Variants in SLC25A21 observed in about 807,000 individuals in gnomAD.
The protein encoded by SLC25A21 is mitochondrial 2-oxodicarboxylate carrier.
Under a neutral mutation model 43.8 loss-of-function variants are expected in SLC25A21, and 47 were observed. The ratio of observed to expected loss-of-function variants is 1.07; its 90% CI spans 0.85 to 1.37. The LOEUF (loss-of-function observed/expected upper bound fraction) is 1.37, where lower values mean the gene tolerates loss of function less well. SLC25A21 is among the 40% of genes most tolerant of loss of function. SLC25A21 has a pLI of 0.00. For missense variants in SLC25A21, 352 were observed against 350.2 expected, an observed-to-expected ratio of 1.00 and a Z score of -0.04; for synonymous variants, 131 against 121.3, an observed-to-expected ratio of 1.08 and a Z score of -0.52.
intron 3 of SLC25A21, among the ~76,000 whole-genome samples, chr14:36,735,203 A>T (rs1341430434): frequency 6.6e-6 from 1 of 152,188 alleles, no homozygotes; most frequent in East Asian, 1.9e-4. Context: ...ATGTAAAATC[A>T]CAGGGCATGA....
intron 1 of SLC25A21, among the ~76,000 whole-genome samples, chr14:37,139,289 T>C (rs1963533211): frequency 6.6e-6 from 1 of 152,094 alleles, no homozygotes; most frequent in African/African-American, 2.4e-5. Flanking sequence ...ACAGGACAAA[T>C]TCTGTCTTGA....
At chr14:36,851,821 T>C (rs1300509283) in intron 2 of SLC25A21, among the ~76,000 whole-genome samples, 2 of 152,142 alleles carry the variant, frequency 1.3e-5, no homozygotes, top group Admixed American at 6.5e-5. Context: ...CTATGAAAGG[T>C]TGCTTGATAC....
At chr14:37,063,395 G>C (rs1210630841) in intron 1 of SLC25A21, among the ~76,000 whole-genome samples, 4 of 152,092 alleles carry the variant, frequency 2.6e-5, no homozygotes, top group Non-Finnish European at 5.9e-5. Flanking sequence ...AGCTATTCGG[G>C]AGGCTGAGGC....
At chr14:37,145,476 C>CACACAGAGAG (rs780734735) in intron 1 of SLC25A21, among the ~76,000 whole-genome samples, 221 of 143,662 alleles carry the variant, frequency 1.5e-3, no homozygotes, top group South Asian at 2.5e-3. Context: ...CACACACACA[C>CACACAGAGAG]AGAGAGATGA....
intron 3 of SLC25A21, among the ~76,000 whole-genome samples, chr14:36,803,924 A>C (rs1175804823): frequency 3.3e-5 from 5 of 152,230 alleles, no homozygotes; most frequent in African/African-American, 1.2e-4. Flanking sequence ...AAGTTCACTC[A>C]GTGAGTCTTA....
intron 3 of SLC25A21, among the ~76,000 whole-genome samples, chr14:36,745,478 T>C (rs1885457056): frequency 6.6e-6 from 1 of 152,138 alleles, no homozygotes. Context: ...AAAGCGTTCC[T>C]ATTTCTCCAC....
intron 3 of SLC25A21, among the ~76,000 whole-genome samples, chr14:36,810,037 C>G (rs1269469884): frequency 6.6e-6 from 1 of 151,964 alleles, no homozygotes; most frequent in Non-Finnish European, 1.5e-5. Flanking sequence ...TCGTTTAACC[C>G]AGGGCTATGA....
At chr14:37,004,020 A>G (rs545231129) in intron 1 of SLC25A21, among the ~76,000 whole-genome samples, 2 of 152,170 alleles carry the variant, frequency 1.3e-5, no homozygotes, top group South Asian at 4.2e-4. Context: ...AACTCACCCG[A>G]TTTGAACTTT....
At position 36,725,667 on chromosome 14, in the gene SLC25A21, A is replaced by G; in HGVS notation, c.341T>C (p.Ile114Thr). The part of the protein sequence containing the change: ...VSLSPALTFA[I>T]AGLGSGLTEA... ...TGTTAGTCCAGATCCCAATCCAGCA[A>G]TGGCGAATGTCTAGAAAAATTAAAT... Residue 114 changes from isoleucine to threonine, a missense_variant, in exon 6 of 10, where the codon ATT becomes ACT. Coordinates refer to ENST00000331299, the MANE Select transcript of SLC25A21 (RefSeq NM_030631.4). 1 of 1,595,818 alleles carries G rather than the reference A, an allele frequency of 6.3e-7. No individual in the cohort carries two copies. The highest frequency in any genetic ancestry group is 8.5e-7 in the Non-Finnish European group (1 of 1,171,306).
intron 1 of SLC25A21, among the ~76,000 whole-genome samples, chr14:36,911,281 A>C (rs1444961006): frequency 1.3e-5 from 2 of 152,178 alleles, no homozygotes; most frequent in Non-Finnish European, 2.9e-5. Flanking sequence ...GGCAACAGTA[A>C]TCACAAAAGC....
intron 1 of SLC25A21, among the ~76,000 whole-genome samples, chr14:36,916,951 C>T (rs1891848339): frequency 6.6e-6 from 1 of 152,016 alleles, no homozygotes; most frequent in Non-Finnish European, 1.5e-5. Context: ...GCACTTCATC[C>T]TAGATGTCCT....
intron 1 of SLC25A21, among the ~76,000 whole-genome samples, chr14:36,891,612 T>A (rs1439743730): frequency 2.0e-5 from 3 of 152,160 alleles, no homozygotes; most frequent in African/African-American, 7.2e-5. Flanking sequence ...GGAACAATAC[T>A]GTAGCACCAG....
intron 1 of SLC25A21, among the ~76,000 whole-genome samples, chr14:37,051,458 T>A (rs1961704501): frequency 6.6e-6 from 1 of 152,190 alleles, no homozygotes; most frequent in South Asian, 2.1e-4. Flanking sequence ...AAGTTTTTCA[T>A]TTAAGGGTAG....
chr14:36,975,335 T>C (rs548760406), intron 1 of SLC25A21, among the ~76,000 whole-genome samples: 6 of 152,266 alleles, frequency 3.9e-5, no homozygotes, highest in Admixed American at 3.9e-4. Flanking sequence ...AACTTACTCA[T>C]ATAATCAAAT....
rs1202533914 is a variant in SLC25A21 at position 37,092,945 on chromosome 14, GGAGA to G, written c.70+79332_70+79335del. On this transcript the variant is annotated intron_variant, in intron 1 of 9. Coordinates refer to ENST00000331299, the MANE Select transcript of SLC25A21 (RefSeq NM_030631.4). Reference sequence around the variant, plus strand: ...CACACACACACACACGCACATACGGGGAGAGAGAGAGAGAATTCCTTGAATTATC... The same window carrying G: ...CACACACACACACACGCACATACGGGGAGAGAGAGAATTCCTTGAATTATC... 2.6e-5 allele frequency among the ~76,000 whole-genome samples: 4 copies of G among 151,608 alleles called. No individual in the cohort carries two copies. In the East Asian group the frequency reaches 5.8e-4, roughly 22 times the overall value.
chr14:36,999,873 C>CT (rs762112225), intron 1 of SLC25A21, among the ~76,000 whole-genome samples: 18 of 152,198 alleles, frequency 1.2e-4, no homozygotes, highest in East Asian at 1.9e-4. Context: ...TATCCATTGT[C>CT]TGTCTTCTTA....
intron 1 of SLC25A21, among the ~76,000 whole-genome samples, chr14:36,976,178 A>G (rs1959867604): frequency 6.6e-6 from 1 of 152,306 alleles, no homozygotes; most frequent in East Asian, 1.9e-4. Context: ...AGTGTACAGC[A>G]GACCACCAAT....
chr14:37,128,598 T>C (rs1204636618), intron 1 of SLC25A21, among the ~76,000 whole-genome samples: 1 of 150,262 alleles, frequency 6.7e-6, no homozygotes, highest in Non-Finnish European at 1.5e-5. Context: ...TTGTTTTATT[T>C]TTGAGACACA....
At chr14:37,069,034 G>T (rs1051479285) in intron 1 of SLC25A21, among the ~76,000 whole-genome samples, 1 of 151,972 alleles carries the variant, frequency 6.6e-6, no homozygotes, top group Non-Finnish European at 1.5e-5. Context: ...AAAATTAGCC[G>T]GGCATGGTGG....
Sources: gnomAD v4.1 joint callset for allele counts (sites outside exome capture counted in the v4.1 genomes callset) on GRCh38, gnomAD v4.1.1 for gene constraint, MANE v1.5 for transcripts, NCBI Gene and HGNC (gene_info 2026-07-23, HGNC 2026-07-21) for gene names.